KHDRBS2: variants seen among roughly 807,000 people sequenced by gnomAD.
The protein encoded by KHDRBS2 is KH RNA binding domain containing, signal transduction associated 2.
In KHDRBS2, 26 loss-of-function variants were observed where a neutral mutation model predicts 44.3. The ratio of observed to expected loss-of-function variants is 0.59; its 90% CI spans 0.43 to 0.81. KHDRBS2 has a LOEUF of 0.81. KHDRBS2 is among the 40% of genes least tolerant of loss of function. The pLI is 0.00. For synonymous variants in KHDRBS2, 194 were observed against 151.1 expected (o/e 1.28, Z -2.08); for missense variants, 476 against 433.1 (o/e 1.10, Z -0.88).
intron 2 of KHDRBS2, among the ~76,000 whole-genome samples, chr6:62,048,775 A>G (rs1423558368): frequency 1.3e-5 from 2 of 151,972 alleles, no homozygotes; most frequent in Non-Finnish European, 2.9e-5. Flanking sequence ...ACTAAAAGGA[A>G]CATTTCCAAA....
chr6:61,918,502 C>T (rs942222861), intron 4 of KHDRBS2, among the ~76,000 whole-genome samples: 4 of 151,878 alleles, frequency 2.6e-5, no homozygotes, highest in African/African-American at 9.7e-5. Context: ...CCAAAACATA[C>T]TCTCTCTTTC....
chr6:61,915,521 T>G (rs201012373), intron 4 of KHDRBS2, among the ~76,000 whole-genome samples: 1 of 151,932 alleles, frequency 6.6e-6, no homozygotes, highest in East Asian at 1.9e-4. Flanking sequence ...AAAATACAAA[T>G]GATTAGGGTG....
chr6:61,701,662 G>T (rs1213127856), intron 7 of KHDRBS2, among the ~76,000 whole-genome samples: 6 of 151,932 alleles, frequency 3.9e-5, no homozygotes, highest in Non-Finnish European at 5.9e-5. Flanking sequence ...GAGAACTGAG[G>T]TTGCCAGATG....
At chr6:62,271,391 C>A (rs1369179594) in intron 1 of KHDRBS2, among the ~76,000 whole-genome samples, 1 of 152,060 alleles carries the variant, frequency 6.6e-6, no homozygotes, top group Non-Finnish European at 1.5e-5. Context: ...ATAGCACACA[C>A]AATCATGTAT....
intron 4 of KHDRBS2, among the ~76,000 whole-genome samples, chr6:61,958,140 T>C (rs531054471): frequency 6.6e-6 from 1 of 152,272 alleles, no homozygotes; most frequent in African/African-American, 2.4e-5. Flanking sequence ...ACCATTTCCC[T>C]CTGTTCTCTG....
the KHDRBS2 span, among the ~76,000 whole-genome samples, chr6:61,573,383 A>G: frequency 5.9e-5 from 9 of 152,166 alleles, no homozygotes; most frequent in Non-Finnish European, 2.9e-5. Context: ...TATGAAAATG[A>G]CCATACTGCC....
At chr6:62,112,135 C>T (rs1257526078) in intron 2 of KHDRBS2, among the ~76,000 whole-genome samples, 1 of 151,986 alleles carries the variant, frequency 6.6e-6, no homozygotes, top group Non-Finnish European at 1.5e-5. Flanking sequence ...ATAAATATTA[C>T]CTAGGAAGCA....
At chr6:61,589,035 G>C in the KHDRBS2 span, among the ~76,000 whole-genome samples, 2 of 151,948 alleles carry the variant, frequency 1.3e-5, no homozygotes, top group Non-Finnish European at 2.9e-5. Flanking sequence ...TGGACACAAG[G>C]AGGGTAACAT....
Position 61,695,840 on chromosome 6 carries a change from T to C in KHDRBS2, c.952+1355A>G, listed in dbSNP as rs561842647. The stretch of plus-strand genomic sequence containing the variant: ...TTTAAGGAAGATACTCTTCTTCCTT[T>C]CCTCTCAGCATCAGGACGTGCCCTT... On this transcript the variant is annotated intron_variant, in intron 8 of 8. Transcript: ENST00000281156. 3.1e-3 allele frequency among the ~76,000 whole-genome samples: 472 copies of C among 152,274 alleles called. 2 individuals carry two copies. The highest frequency in any genetic ancestry group is 5.7e-3 in the Non-Finnish European group (385 of 68,026).
chr6:61,716,407 T>A (rs1771435176), intron 7 of KHDRBS2, among the ~76,000 whole-genome samples: 1 of 151,984 alleles, frequency 6.6e-6, no homozygotes, highest in Non-Finnish European at 1.5e-5. Flanking sequence ...AGACTCCAGA[T>A]GTATAAAAAA....
chr6:61,772,869 CTA>C (rs1329746229), intron 6 of KHDRBS2, among the ~76,000 whole-genome samples: 1 of 152,010 alleles, frequency 6.6e-6, no homozygotes, highest in Admixed American at 6.6e-5. Context: ...CAATTCCCAC[CTA>C]TGAGTGAGAA....
At chr6:62,225,462 T>C (rs568319703) in intron 1 of KHDRBS2, among the ~76,000 whole-genome samples, 2 of 152,218 alleles carry the variant, frequency 1.3e-5, no homozygotes, top group Admixed American at 1.3e-4. Context: ...GGAAGAAACA[T>C]GATTATGATA....
chr6:61,637,546 C>A, the KHDRBS2 span, among the ~76,000 whole-genome samples: 2 of 152,056 alleles, frequency 1.3e-5, no homozygotes, highest in African/African-American at 4.8e-5. Flanking sequence ...TGGGTATATA[C>A]CCAGTAATGG....
chr6:61,648,056 T>C, the KHDRBS2 span, among the ~76,000 whole-genome samples: 3 of 152,222 alleles, frequency 2.0e-5, no homozygotes, highest in South Asian at 2.1e-4. Context: ...TAATTAGGAA[T>C]AGAAAATCAT....
Position 61,731,957 on chromosome 6 carries a change from T to C in KHDRBS2, c.893+725A>G, listed in dbSNP as rs114513610. ...AACTATGGTAACAAAAAACAGATAG[T>C]TGGTTTCCAGAGCCTGAGGATGAAG... On this transcript the variant is annotated intron_variant, in intron 7 of 8. Coordinates refer to ENST00000281156, the MANE Select transcript of KHDRBS2 (RefSeq NM_152688.4). Among the ~76,000 whole-genome samples the C allele has an allele frequency of 1.7e-3, 261 of 152,184 alleles. 2 individuals are homozygous for C. Among genetic ancestry groups the C allele is most frequent in the African/African-American group, 6.1e-3 (253 of 41,552 alleles).
chr6:61,983,844 C>T (rs1774481898), intron 3 of KHDRBS2, among the ~76,000 whole-genome samples: 1 of 152,170 alleles, frequency 6.6e-6, no homozygotes, highest in Non-Finnish European at 1.5e-5. Flanking sequence ...CAATGGAAAA[C>T]TATAAACCAC....
At chr6:62,162,379 T>G (rs1236097530) in intron 2 of KHDRBS2, among the ~76,000 whole-genome samples, 1 of 152,058 alleles carries the variant, frequency 6.6e-6, no homozygotes, top group Admixed American at 6.6e-5. Context: ...GTATTTTCAT[T>G]TTAGCACTTG....
chr6:61,609,513 C>T, the KHDRBS2 span, among the ~76,000 whole-genome samples: 4 of 152,154 alleles, frequency 2.6e-5, no homozygotes, highest in Non-Finnish European at 5.9e-5. Flanking sequence ...TTCACATTGT[C>T]ACAATTATAT....
At chr6:62,269,599 G>T in intron 1 of KHDRBS2, among the ~76,000 whole-genome samples, 1 of 152,026 alleles carries the variant, frequency 6.6e-6, no homozygotes, top group African/African-American at 2.4e-5. Flanking sequence ...TGTTGGCAAG[G>T]AAATGCAACA....
Sources: allele counts gnomAD v4.1 joint callset (sites outside exome capture counted in the v4.1 genomes callset), GRCh38; gene constraint gnomAD v4.1.1; transcripts MANE v1.5; gene names NCBI Gene and HGNC (gene_info 2026-07-23, HGNC 2026-07-21).